CNTN5: variants seen among roughly 807,000 people sequenced by gnomAD.
CNTN5 encodes the protein contactin-5.
CNTN5 carries 77 observed loss-of-function variants against 129.1 expected under a neutral mutation model. That is an observed-to-expected ratio of 0.60 (90% CI 0.50 to 0.72). The LOEUF (loss-of-function observed/expected upper bound fraction) is 0.72. Among genes scored for constraint, CNTN5 ranks in the 30% least tolerant of loss-of-function variants. The probability of loss-of-function intolerance (pLI) is 0.00; values close to 1 mark genes in which losing one functional copy is unlikely to be tolerated. For synonymous variants in CNTN5, 509 were observed against 465.6 expected (o/e 1.09, Z -1.20); for missense variants, 1,478 against 1,328.8 (o/e 1.11, Z -1.75).
At chr11:99,343,938 G>A (rs906387658) in intron 2 of CNTN5, among the ~76,000 whole-genome samples, 1 of 152,134 alleles carries the variant, frequency 6.6e-6, no homozygotes, top group Non-Finnish European at 1.5e-5. Flanking sequence ...TTCATAAAAT[G>A]TCATTTCAAG....
At chr11:99,567,504 C>T (rs1239271291) in intron 3 of CNTN5, among the ~76,000 whole-genome samples, 1 of 151,970 alleles carries the variant, frequency 6.6e-6, no homozygotes, top group African/African-American at 2.4e-5. Context: ...TAAGCTTATA[C>T]AAATACAGTC....
chr11:99,126,438 T>C (rs913597404), intron 1 of CNTN5, among the ~76,000 whole-genome samples: 2 of 152,336 alleles, frequency 1.3e-5, no homozygotes, highest in East Asian at 1.9e-4. Flanking sequence ...CAAGAGATAC[T>C]GCAGAAAATT....
chr11:99,830,478 C>T (rs530789743), intron 4 of CNTN5, among the ~76,000 whole-genome samples: 120 of 152,126 alleles, frequency 7.9e-4, no homozygotes, highest in African/African-American at 2.8e-3. Context: ...CAAAGCAACC[C>T]CTTTGGTGAC....
At chr11:99,882,079 G>A (rs1948786140) in intron 6 of CNTN5, among the ~76,000 whole-genome samples, 1 of 152,172 alleles carries the variant, frequency 6.6e-6, no homozygotes, top group African/African-American at 2.4e-5. Context: ...AGCCATCTCA[G>A]CCTATTTTAG....
At chr11:99,879,558 T>A (rs1283951032) in intron 6 of CNTN5, among the ~76,000 whole-genome samples, 5 of 152,200 alleles carry the variant, frequency 3.3e-5, no homozygotes, top group Non-Finnish European at 1.5e-5. Context: ...TACTTCTGTC[T>A]ACATCATACC....
intron 1 of CNTN5, among the ~76,000 whole-genome samples, chr11:99,316,703 C>T (rs1157765240): frequency 6.7e-6 from 1 of 149,944 alleles, no homozygotes; most frequent in African/African-American, 2.5e-5. Flanking sequence ...TTAGTCTTCA[C>T]TTTTGAAATT....
At chr11:99,854,773 A>T (rs1947980948) in intron 6 of CNTN5, among the ~76,000 whole-genome samples, 1 of 152,172 alleles carries the variant, frequency 6.6e-6, no homozygotes, top group South Asian at 2.1e-4. Flanking sequence ...GCCACAAAAC[A>T]TGTTGAGAGA....
chr11:99,629,778 G>A (rs1565366608), intron 3 of CNTN5, among the ~76,000 whole-genome samples: 1 of 151,674 alleles, frequency 6.6e-6, no homozygotes, highest in Non-Finnish European at 1.5e-5. Flanking sequence ...TCATTTCTTA[G>A]CATTTTGTAT....
chr11:99,622,206 T>C (rs1041288685), intron 3 of CNTN5, among the ~76,000 whole-genome samples: 1 of 152,192 alleles, frequency 6.6e-6, no homozygotes, highest in African/African-American at 2.4e-5. Context: ...ATATTTGCAA[T>C]AGCAGGTGAC....
At chr11:99,858,605 A>G (rs7930437) in intron 6 of CNTN5, among the ~76,000 whole-genome samples, 150,882 of 150,882 alleles carry the variant, frequency 1, 75,441 homozygotes, top group Non-Finnish European at 1. Flanking sequence ...AAATGTGCTT[A>G]CCTTTAGAAA....
chr11:100,208,423 A>G (rs889409984), intron 15 of CNTN5, among the ~76,000 whole-genome samples: 1 of 152,130 alleles, frequency 6.6e-6, no homozygotes, highest in Non-Finnish European at 1.5e-5. Flanking sequence ...CATGTTTCTC[A>G]TCATCCACCA....
chr11:99,082,419 G>A (rs1292901914), intron 1 of CNTN5, among the ~76,000 whole-genome samples: 2 of 152,026 alleles, frequency 1.3e-5, no homozygotes, highest in South Asian at 2.1e-4. Context: ...TCTTGACCTC[G>A]TGATCCGCCC....
At position 100,308,466 on chromosome 11, in the gene CNTN5, G is replaced by C; in HGVS notation, c.2728G>C (p.Glu910Gln). The C allele has an allele frequency of 6.2e-7, 1 of 1,609,834 alleles. No homozygotes were observed. Among genetic ancestry groups the C allele is most frequent in the Non-Finnish European group, 8.5e-7 (1 of 1,177,296 alleles). ...GAGTCTAGGAAGACCACAGGGATTT[G>C]AGGTATGAACAGAATGATTGAAAAT... ...KESLGRPQGF[E>Q]VGYWKDMEQE... Residue 910 changes from glutamate (E) to glutamine (Q), a missense_variant and splice_region_variant, in exon 21 of 25, where the codon GAG becomes CAG. By Grantham distance (29) the Glu-to-Gln change is conservative (BLOSUM62 2). Transcript: ENST00000524871.
At chr11:99,736,305 T>C (rs1415950766) in intron 3 of CNTN5, among the ~76,000 whole-genome samples, 1 of 152,132 alleles carries the variant, frequency 6.6e-6, no homozygotes, top group African/African-American at 2.4e-5. Flanking sequence ...ATTGGCTAAT[T>C]TGAATAATTT....
At chr11:99,521,580 A>T (rs1591208943) in intron 2 of CNTN5, among the ~76,000 whole-genome samples, 1 of 152,166 alleles carries the variant, frequency 6.6e-6, no homozygotes, top group Non-Finnish European at 1.5e-5. Context: ...GGAGAGGAAT[A>T]AAAAAAGGAC....
intron 6 of CNTN5, among the ~76,000 whole-genome samples, chr11:99,904,063 GT>G (rs1277298315): frequency 1.3e-5 from 2 of 152,090 alleles, no homozygotes; most frequent in South Asian, 2.1e-4. Flanking sequence ...TGATATTTTT[GT>G]TTTCTTTTAT....
chr11:99,615,977 T>C (rs1260413299), intron 3 of CNTN5, among the ~76,000 whole-genome samples: 1 of 151,958 alleles, frequency 6.6e-6, no homozygotes, highest in Non-Finnish European at 1.5e-5. Flanking sequence ...CTCAAGTAAT[T>C]TGCACTCCTC....
At chr11:99,729,802 AAAAAC>A (rs1349335505) in intron 3 of CNTN5, among the ~76,000 whole-genome samples, 1 of 152,202 alleles carries the variant, frequency 6.6e-6, no homozygotes, top group Non-Finnish European at 1.5e-5. Context: ...CACAGGAACA[AAAAAC>A]AAACACTGCA....
intron 16 of CNTN5, among the ~76,000 whole-genome samples, chr11:100,248,807 C>T (rs1451880525): frequency 6.6e-6 from 1 of 152,104 alleles, no homozygotes; most frequent in Admixed American, 6.6e-5. Context: ...AACAATCACA[C>T]CATAAGGACT....
Sources: allele counts gnomAD v4.1 joint callset (sites outside exome capture counted in the v4.1 genomes callset), GRCh38; gene constraint gnomAD v4.1.1; transcripts MANE v1.5; gene names NCBI Gene and HGNC (gene_info 2026-07-23, HGNC 2026-07-21).